Variants in STK3 observed in about 807,000 individuals in gnomAD.
The protein encoded by STK3 is serine/threonine kinase 3, also known as serine/threonine-protein kinase 3.
Under a neutral mutation model 58.0 loss-of-function variants are expected in STK3, and 41 were observed. The observed-to-expected ratio is 0.71, with a 90% CI of 0.55 to 0.92. The LOEUF is 0.92. Among genes scored for constraint, STK3 ranks in the 40% least tolerant of loss-of-function variants. The probability of loss-of-function intolerance (pLI) is 0.00; values close to 1 mark genes in which losing one functional copy is unlikely to be tolerated. For missense variants in STK3, 479 were observed against 602.7 expected (o/e 0.79, Z 2.15); for synonymous variants, 170 against 191.0 (o/e 0.89, Z 0.91).
rs190546754 is a variant in STK3 at position 98,633,412 on chromosome 8, G to A, written c.685-37243C>T. The stretch of plus-strand genomic sequence containing the variant: ...AAGATGATCAATCTAGCAGCATCAT[G>A]AAGTTTACTTTAGAGAGGAGATTGA... On this transcript the variant is annotated intron_variant, in intron 6 of 10. Transcript: ENST00000419617. 599 of 474,492 alleles carry A rather than the reference G, an allele frequency of 1.3e-3. 8 individuals are homozygous for A. In the Admixed American group the frequency reaches 0.018, roughly 14 times the overall value. The allele number at this position is 474,492 out of a possible 1,614,324, so 29.4% of individuals were successfully genotyped here.
In STK3 at chr8:98,749,274, ACT is replaced by A; in HGVS notation, c.351_351+1del. 6.3e-7 allele frequency: 1 copy of A among 1,583,710 alleles called. No individual in the cohort carries two copies. Among genetic ancestry groups the A allele is most frequent in the Non-Finnish European group, 8.6e-7 (1 of 1,159,056 alleles). ...TTAGCAAAACAATTTTAAAATACTT[ACT>A]GTCTTGTTTCGTAATCTAATTATGT... On this transcript the variant is annotated splice_donor_variant and coding_sequence_variant, in exon 4 of 11. Transcript: ENST00000419617. LOFTEE classifies it high-confidence loss of function.
chr8:98,483,167 C>G (rs997282322), intron 10 of STK3, among the ~76,000 whole-genome samples: 1 of 152,126 alleles, frequency 6.6e-6, no homozygotes, highest in Admixed American at 6.5e-5. Flanking sequence ...CAAGTCAAGG[C>G]TAGGATGCTG....
intron 3 of STK3, among the ~76,000 whole-genome samples, chr8:98,863,410 T>C (rs770447284): frequency 6.6e-6 from 1 of 152,112 alleles, no homozygotes; most frequent in African/African-American, 2.4e-5. Flanking sequence ...TCACTTAACC[T>C]TCATGTACCT....
At chr8:98,926,307 T>C (rs575089164) in intron 1 of STK3, among the ~76,000 whole-genome samples, 55 of 152,332 alleles carry the variant, frequency 3.6e-4, no homozygotes, top group Admixed American at 1.1e-3. Context: ...GAAGTTCTTA[T>C]ATTTGGGGAA....
intron 7 of STK3, among the ~76,000 whole-genome samples, chr8:98,590,703 A>G (rs958096253): frequency 6.6e-6 from 1 of 152,234 alleles, no homozygotes; most frequent in Non-Finnish European, 1.5e-5. Flanking sequence ...TGCCTCATGT[A>G]GAAACATGAG....
At chr8:98,848,989 G>C (rs1416059103) in intron 3 of STK3, among the ~76,000 whole-genome samples, 1 of 152,076 alleles carries the variant, frequency 6.6e-6, no homozygotes, top group Non-Finnish European at 1.5e-5. Context: ...CACTTTGGGA[G>C]GCCGAGACAG....
chr8:98,532,201 T>A (rs748547763), intron 9 of STK3, among the ~76,000 whole-genome samples: 1 of 152,200 alleles, frequency 6.6e-6, no homozygotes, highest in Non-Finnish European at 1.5e-5. Context: ...AGCTTTTGAT[T>A]TAAAGTGAGA....
chr8:98,377,597 C>T (rs1344716603), intron 2 of STK3, among the ~76,000 whole-genome samples: 2 of 152,026 alleles, frequency 1.3e-5, no homozygotes, highest in Non-Finnish European at 1.5e-5. Context: ...AAACCTCATG[C>T]ACAACTTCTG....
chr8:98,439,464 C>T (rs1315504530), intron 1 of STK3, among the ~76,000 whole-genome samples: 1 of 152,164 alleles, frequency 6.6e-6, no homozygotes. Flanking sequence ...CTGAGAGGCA[C>T]ATTTCTGAAT....
chr8:98,472,052 T>C (rs1295931456), intron 10 of STK3, among the ~76,000 whole-genome samples: 1 of 152,190 alleles, frequency 6.6e-6, no homozygotes, highest in African/African-American at 2.4e-5. Flanking sequence ...TGTTATTTAA[T>C]AGGCAATAAT....
chr8:98,771,063 A>G (rs1293855035), intron 2 of STK3, among the ~76,000 whole-genome samples: 1 of 152,228 alleles, frequency 6.6e-6, no homozygotes, highest in East Asian at 1.9e-4. Flanking sequence ...TGTATGATTC[A>G]ATGGCATTTA....
downstream of STK3, among the ~76,000 whole-genome samples, chr8:98,452,309 G>A (rs1819235156): frequency 6.6e-6 from 1 of 152,168 alleles, no homozygotes. Flanking sequence ...TCATCAAAGT[G>A]TCTGACATAT....
chr8:98,825,486 C>T, intron 1 of STK3, 29 bp downstream of exon 1: 1 of 1,451,208 alleles, frequency 6.9e-7, no homozygotes, highest in Non-Finnish European at 9.1e-7. Context: ...CGCCGCTTCC[C>T]TCCTTCTTCC....
intron 6 of STK3, among the ~76,000 whole-genome samples, chr8:98,696,452 C>T (rs986105861): frequency 6.6e-6 from 1 of 151,652 alleles, no homozygotes; most frequent in Non-Finnish European, 1.5e-5. Flanking sequence ...AAAGGGAATG[C>T]TTCCAGTTTT....
At chr8:98,723,223 A>G (rs1482183309) in intron 4 of STK3, among the ~76,000 whole-genome samples, 1 of 152,130 alleles carries the variant, frequency 6.6e-6, no homozygotes, top group Non-Finnish European at 1.5e-5. Context: ...ATACTCAGCA[A>G]TCAGGGATAA....
At chr8:98,395,266 CA>C (rs1311425970) in intron 3 of STK3, among the ~76,000 whole-genome samples, 1 of 151,804 alleles carries the variant, frequency 6.6e-6, no homozygotes, top group Non-Finnish European at 1.5e-5. Context: ...GTTGCAAATA[CA>C]TTACAAAAAC....
At chr8:98,643,657 G>A (rs375320834) in intron 6 of STK3, among the ~76,000 whole-genome samples, 5 of 152,248 alleles carry the variant, frequency 3.3e-5, no homozygotes, top group African/African-American at 1.2e-4. Context: ...TTTACTCAAG[G>A]CTATATATCC....
At chr8:98,517,370 T>C (rs896263170) in intron 10 of STK3, among the ~76,000 whole-genome samples, 1 of 152,030 alleles carries the variant, frequency 6.6e-6, no homozygotes, top group Non-Finnish European at 1.5e-5. Context: ...GCTTTCTATT[T>C]TTATGAATGA....
rs547466386 is a variant in STK3, at chr8:98,642,663, G to C, written c.685-46494C>G. The stretch of plus-strand genomic sequence containing the variant: ...CTCCCATAAAGAATCTAATATTGAG[G>C]GATATTAATTCCTCTTCTATGATTA... On this transcript the variant is annotated intron_variant, in intron 6 of 10. Coordinates refer to ENST00000419617, the MANE Select transcript of STK3 (RefSeq NM_006281.4). Among the ~76,000 whole-genome samples, 3 of 152,058 alleles carry C rather than the reference G, an allele frequency of 2.0e-5. No homozygotes were observed. The South Asian group carries it at 6.2e-4, about 32-fold the overall frequency.
Sources: allele counts gnomAD v4.1 joint callset (sites outside exome capture counted in the v4.1 genomes callset), GRCh38; gene constraint gnomAD v4.1.1; transcripts MANE v1.5; gene names NCBI Gene and HGNC (gene_info 2026-07-23, HGNC 2026-07-21).